Variants in MTAP observed in about 807,000 individuals in gnomAD.
The protein encoded by MTAP is methylthioadenosine phosphorylase, also known as S-methyl-5'-thioadenosine phosphorylase.
MTAP carries 33 observed loss-of-function variants against 33.6 expected under a neutral mutation model. The observed-to-expected ratio is 0.98, with a 90% confidence interval of 0.74 to 1.31. The LOEUF is 1.31. Among genes scored for constraint, MTAP ranks in the 40% most tolerant of loss-of-function variants. The pLI, the probability that MTAP is intolerant of heterozygous loss-of-function variation, is 0.00. For synonymous variants in MTAP, 148 were observed against 125.7 expected (o/e 1.18, Z -1.19); for missense variants, 367 against 360.0 (o/e 1.02, Z -0.16).
At chr9:21,837,178 GAATT>G (rs1323862544) in intron 4 of MTAP, among the ~76,000 whole-genome samples, 1 of 152,192 alleles carries the variant, frequency 6.6e-6, no homozygotes, top group Admixed American at 6.5e-5. Context: ...AGACACTTTA[GAATT>G]AATTACGGCT....
chr9:21,886,121 C>CT (rs201926662), intron 1 of MTAP, among the ~76,000 whole-genome samples: 2,311 of 141,834 alleles, frequency 0.016, 56 homozygotes, highest in African/African-American at 0.052. Context: ...AGGCCAACAT[C>CT]TTTTTTTTTT....
intron 1 of MTAP, among the ~76,000 whole-genome samples, chr9:21,884,884 A>G (rs928648544): frequency 1.3e-5 from 2 of 152,162 alleles, no homozygotes; most frequent in Non-Finnish European, 2.9e-5. Flanking sequence ...AAACTAAACT[A>G]TATTATTCAA....
At chr9:21,813,248 A>G (rs983937383) in intron 1 of MTAP, among the ~76,000 whole-genome samples, 2 of 152,178 alleles carry the variant, frequency 1.3e-5, no homozygotes, top group Non-Finnish European at 2.9e-5. Context: ...CAGTTGCTAC[A>G]CTTGTCCCTG....
At chr9:21,900,355 G>T (rs958327377) in intron 1 of MTAP, among the ~76,000 whole-genome samples, 1 of 152,004 alleles carries the variant, frequency 6.6e-6, no homozygotes, top group Non-Finnish European at 1.5e-5. Context: ...ATGGGCAAAC[G>T]AAATGAACAG....
At chr9:21,887,667 G>T (rs1818135204) in intron 1 of MTAP, among the ~76,000 whole-genome samples, 1 of 152,174 alleles carries the variant, frequency 6.6e-6, no homozygotes, top group African/African-American at 2.4e-5. Flanking sequence ...TCTAGTTCTA[G>T]ATCCCTGAAG....
intron 1 of MTAP, chr9:21,814,005 G>T (rs892284164): frequency 1.3e-5 from 2 of 152,214 alleles, no homozygotes; most frequent in East Asian, 1.9e-4. Context: ...TGACATAAAA[G>T]TATGTTAACC....
chr9:21,919,609 G>A (rs1818753410), intron 1 of MTAP, among the ~76,000 whole-genome samples: 1 of 152,172 alleles, frequency 6.6e-6, no homozygotes, highest in East Asian at 1.9e-4. Context: ...GTATGCAAAG[G>A]AATGATTACT....
At chr9:21,929,616 AG>A in intron 1 of MTAP, 1 of 326,518 alleles carries the variant, frequency 3.1e-6, no homozygotes, top group Non-Finnish European at 6.4e-6. Context: ...CTAAAACACC[AG>A]GGAGAGCTTA....
chr9:21,898,162 G>C (rs1027230116), intron 1 of MTAP, among the ~76,000 whole-genome samples: 1 of 152,176 alleles, frequency 6.6e-6, no homozygotes, highest in Non-Finnish European at 1.5e-5. Context: ...ATGATGCTGG[G>C]AAAACTGGCT....
chr9:21,879,261 A>G (rs1267570131), intron 1 of MTAP, among the ~76,000 whole-genome samples: 1 of 152,128 alleles, frequency 6.6e-6, no homozygotes, highest in Non-Finnish European at 1.5e-5. Context: ...TATATTTAGT[A>G]TATTTAGGCT....
At chr9:21,902,790 G>T (rs1198838636) in intron 1 of MTAP, among the ~76,000 whole-genome samples, 3 of 152,144 alleles carry the variant, frequency 2.0e-5, no homozygotes. Context: ...TGGAGGTGTG[G>T]ATAGAATAGA....
chr9:21,824,427 A>G (rs948882958), intron 4 of MTAP, among the ~76,000 whole-genome samples: 24 of 152,196 alleles, frequency 1.6e-4, no homozygotes, highest in Non-Finnish European at 2.6e-4. Context: ...AATGTTGCTG[A>G]ACAGCAAATG....
At chr9:21,842,755 G>T (rs1363988063) in intron 5 of MTAP, among the ~76,000 whole-genome samples, 5 of 152,154 alleles carry the variant, frequency 3.3e-5, no homozygotes, top group African/African-American at 1.2e-4. Flanking sequence ...AATGCTTAAA[G>T]GAGTTCTAAA....
At chr9:21,802,861 G>A (rs952876479) in intron 1 of MTAP, 80 bp downstream of exon 1, 1 of 1,573,414 alleles carries the variant, frequency 6.4e-7, no homozygotes, top group Non-Finnish European at 8.6e-7. Context: ...CGCGCCTCCG[G>A]GGGCCATGCG....
At chr9:21,803,060 C>T (rs910507120) in intron 1 of MTAP, 3 of 901,126 alleles carry the variant, frequency 3.3e-6, no homozygotes, top group South Asian at 5.1e-5. Context: ...TATCTGCACC[C>T]GCACCCTGTA....
chr9:21,811,443 CAAAAAAATT>C (rs1824345096), intron 1 of MTAP, among the ~76,000 whole-genome samples: 1 of 151,438 alleles, frequency 6.6e-6, no homozygotes, highest in Non-Finnish European at 1.5e-5. Flanking sequence ...TGCTCTTGAA[CAAAAAAATT>C]TTTTTTTTCA....
intron 1 of MTAP, chr9:21,803,259 C>A (rs1366690796): frequency 3.5e-6 from 1 of 288,130 alleles, no homozygotes; most frequent in Admixed American, 5.2e-5. Flanking sequence ...CTCTCTGACT[C>A]TGCTTGTTGC....
chr9:21,853,944 G>C (rs1221437091), intron 5 of MTAP, among the ~76,000 whole-genome samples: 1 of 152,148 alleles, frequency 6.6e-6, no homozygotes, highest in Non-Finnish European at 1.5e-5. Context: ...TTGAAGATTA[G>C]ATGTGCAGTA....
chr9:21,848,224 A>G (rs1272868463), intron 5 of MTAP, among the ~76,000 whole-genome samples: 1 of 152,162 alleles, frequency 6.6e-6, no homozygotes, highest in African/African-American at 2.4e-5. Context: ...TTCTAGACCT[A>G]TAACTGGACT....
Sources: gnomAD v4.1 joint callset for allele counts (sites outside exome capture counted in the v4.1 genomes callset) on GRCh38, gnomAD v4.1.1 for gene constraint, MANE v1.5 for transcripts, NCBI Gene and HGNC (gene_info 2026-07-23, HGNC 2026-07-21) for gene names.